HTR2A: variants seen among roughly 807,000 people sequenced by gnomAD.
HTR2A encodes the protein 5-HT2 receptor.
HTR2A carries 14 observed loss-of-function variants against 31.0 expected under a neutral mutation model. That is an observed-to-expected ratio of 0.45 (90% confidence interval 0.30 to 0.71). HTR2A has a LOEUF of 0.71. Among genes scored for constraint, HTR2A ranks in the 30% least tolerant of loss-of-function variants. HTR2A has a pLI of 0.09. For missense variants in HTR2A, 442 were observed against 573.3 expected (o/e 0.77, Z 2.34); for synonymous variants, 209 against 225.2 (o/e 0.93, Z 0.64).
rs192513437 is a variant in HTR2A at position 46,836,731 on chromosome 13, C to T, written c.614-1092G>A. Among the ~76,000 whole-genome samples the T allele has an allele frequency of 1.1e-3, 170 of 152,264 alleles. 1 individual carries two copies. The highest frequency in any genetic ancestry group is 3.9e-3 in the African/African-American group (164 of 41,560). On this transcript the variant is annotated intron_variant, in intron 3 of 3. Coordinates refer to ENST00000542664, the MANE Select transcript of HTR2A (RefSeq NM_000621.5). ...CCATCCCTCCCATGTTATTATGAAGCAAATCCTAGACATCATGTCATTCAA... is the reference window on the plus strand; with the variant it reads ...CCATCCCTCCCATGTTATTATGAAGTAAATCCTAGACATCATGTCATTCAA...
chr13:46,842,176 CCTT>C lies in HTR2A; in HGVS notation c.614-6540_614-6538del, dbSNP rs1950603340. ...TTGGGGGCAAAATCAAGACCTGCCT[CCTT>C]CTTTTTTAATGAGTGGATATTACAC... is the stretch of plus-strand genomic sequence containing the variant. On this transcript the variant is annotated intron_variant, in intron 3 of 3. Coordinates refer to ENST00000542664, the MANE Select transcript of HTR2A (RefSeq NM_000621.5). 8.5e-5 allele frequency among the ~76,000 whole-genome samples: 13 copies of C among 152,284 alleles called. No homozygotes were observed. In the South Asian group the frequency reaches 2.5e-3, roughly 29 times the overall value.
At chr13:46,852,435 C>T (rs1473636778) in intron 3 of HTR2A, among the ~76,000 whole-genome samples, 1 of 152,240 alleles carries the variant, frequency 6.6e-6, no homozygotes, top group African/African-American at 2.4e-5. Flanking sequence ...ACACAGAGTG[C>T]TACCCTCTTC....
chr13:46,850,809 C>G (rs9567739), intron 3 of HTR2A, among the ~76,000 whole-genome samples: 90,963 of 152,048 alleles, frequency 0.6, 27,537 homozygotes, highest in Non-Finnish European at 0.66. Flanking sequence ...ATGCTAAGGA[C>G]CAGTTATGTT....
At chr13:46,873,993 C>T (rs1950886654) in intron 3 of HTR2A, among the ~76,000 whole-genome samples, 1 of 152,116 alleles carries the variant, frequency 6.6e-6, no homozygotes, top group Non-Finnish European at 1.5e-5. Flanking sequence ...TAATTGCTTT[C>T]ACTTTTATGA....
intron 3 of HTR2A, among the ~76,000 whole-genome samples, chr13:46,875,589 C>T (rs774346332): frequency 1.8e-4 from 28 of 152,042 alleles, no homozygotes; most frequent in Non-Finnish European, 3.2e-4. Context: ...CTGGTTAAAA[C>T]AAAAGCTATT....
chr13:46,897,704 T>C (rs938586298), upstream of HTR2A, among the ~76,000 whole-genome samples: 6 of 152,218 alleles, frequency 3.9e-5, no homozygotes, highest in Non-Finnish European at 2.9e-5. Context: ...TTTTCCTCAA[T>C]AGTTGGGTTT....
intron 3 of HTR2A, among the ~76,000 whole-genome samples, chr13:46,849,745 G>A (rs1035813855): frequency 7.2e-5 from 11 of 152,218 alleles, no homozygotes; most frequent in Admixed American, 2.0e-4. Context: ...ACTCTGTAGC[G>A]GATTTCTCTG....
At chr13:46,881,092 C>T (rs1001058712) in intron 3 of HTR2A, among the ~76,000 whole-genome samples, 3 of 152,148 alleles carry the variant, frequency 2.0e-5, no homozygotes, top group Non-Finnish European at 2.9e-5. Flanking sequence ...GAAGGACAAC[C>T]GAGGACATGT....
At chr13:46,886,842 G>A (rs1016424877) in intron 3 of HTR2A, among the ~76,000 whole-genome samples, 6 of 152,176 alleles carry the variant, frequency 3.9e-5, no homozygotes, top group Admixed American at 6.5e-5. Context: ...GTAGTCTTAC[G>A]ATGTTGAGGA....
Position 46,834,697 on chromosome 13 carries a change from C to G in HTR2A, c.*140G>C. The stretch of plus-strand genomic sequence containing the variant: ...AGCATTGAACCCCGCTTTTCATTGA[C>G]AGAATAAAATGAGGCATACAGATAT... On this transcript the variant is annotated 3_prime_UTR_variant, in exon 4 of 4. Coordinates refer to ENST00000542664, the MANE Select transcript of HTR2A (RefSeq NM_000621.5). 1.6e-6 allele frequency: 1 copy of G among 628,536 alleles called. No homozygotes were observed. Among genetic ancestry groups the G allele is most frequent in the Non-Finnish European group, 2.7e-6 (1 of 370,460 alleles). The allele number at this position is 628,536 out of a possible 1,614,324, so 38.9% of individuals were successfully genotyped here.
At position 46,895,077 on chromosome 13, in the gene HTR2A, T is replaced by TA. The variant is rs1276732988; in HGVS notation, c.412+417dup. ...GTGCTGAAAACTGTGTGACAAAGAT[T>TA]AAAACTGTTCTGTCCTGAAGGCTGG... On this transcript the variant is annotated intron_variant, in intron 2 of 3. Coordinates refer to ENST00000542664, the MANE Select transcript of HTR2A (RefSeq NM_000621.5). This position sits in a 1 kb window ranked among gnomAD's most constrained non-coding sequence, Gnocchi z 4.4. Among the ~76,000 whole-genome samples, 1 of 152,184 alleles carries TA rather than the reference T, an allele frequency of 6.6e-6. No individual in the cohort carries two copies. Among genetic ancestry groups the TA allele is most frequent in the African/African-American group, 2.4e-5 (1 of 41,442 alleles).
intron 3 of HTR2A, among the ~76,000 whole-genome samples, chr13:46,843,102 G>C (rs922713860): frequency 5.3e-5 from 8 of 152,156 alleles, no homozygotes; most frequent in Non-Finnish European, 1.2e-4. Context: ...AAGTCACTTA[G>C]TAGCCATTTC....
chr13:46,894,226 A>C (rs1951080822), intron 2 of HTR2A, among the ~76,000 whole-genome samples: 1 of 152,140 alleles, frequency 6.6e-6, no homozygotes, highest in Non-Finnish European at 1.5e-5. Flanking sequence ...GGCTGCTCTC[A>C]GAGCGGCGGC....
intron 3 of HTR2A, among the ~76,000 whole-genome samples, chr13:46,859,152 C>G (rs1950761407): frequency 6.6e-6 from 1 of 152,166 alleles, no homozygotes; most frequent in Non-Finnish European, 1.5e-5. Context: ...TTGCAGGGAT[C>G]TCTCTTTCCC....
chr13:46,871,792 C>A (rs1950864801), intron 3 of HTR2A, among the ~76,000 whole-genome samples: 1 of 152,124 alleles, frequency 6.6e-6, no homozygotes, highest in African/African-American at 2.4e-5. Context: ...GAATCTCTGC[C>A]AACAGAACAA....
At chr13:46,857,725 T>C (rs1950748715) in intron 3 of HTR2A, among the ~76,000 whole-genome samples, 1 of 152,176 alleles carries the variant, frequency 6.6e-6, no homozygotes, top group Non-Finnish European at 1.5e-5. Flanking sequence ...ATGAAATAAA[T>C]GCCCTGGAGG....
At chr13:46,872,188 G>A (rs1255271626) in intron 3 of HTR2A, among the ~76,000 whole-genome samples, 1 of 152,180 alleles carries the variant, frequency 6.6e-6, no homozygotes, top group Non-Finnish European at 1.5e-5. Context: ...CCAGCTTAAG[G>A]AAATCAGAAT....
At chr13:46,872,050 T>C (rs1301291379) in intron 3 of HTR2A, among the ~76,000 whole-genome samples, 2 of 152,242 alleles carry the variant, frequency 1.3e-5, no homozygotes, top group Non-Finnish European at 2.9e-5. Flanking sequence ...TACAATACCA[T>C]GGTGTTCTTT....
intron 3 of HTR2A, among the ~76,000 whole-genome samples, chr13:46,855,866 G>A (rs146888936): frequency 2.6e-4 from 40 of 152,302 alleles, no homozygotes; most frequent in Middle Eastern, 3.4e-3. Flanking sequence ...GGTGGGGTCC[G>A]CAAAAGTAAG....
Sources: gnomAD v4.1 joint callset for allele counts (sites outside exome capture counted in the v4.1 genomes callset) on GRCh38, gnomAD v4.1.1 for gene constraint, Gnocchi (gnomAD v3.1) non-coding constraint, MANE v1.5 for transcripts, NCBI Gene and HGNC (gene_info 2026-07-23, HGNC 2026-07-21) for gene names.